CLNK: variants seen among roughly 807,000 people sequenced by gnomAD.
CLNK encodes cytokine dependent hematopoietic cell linker, also known as cytokine-dependent hematopoietic cell linker.
CLNK carries 74 observed loss-of-function variants against 68.6 expected under a neutral mutation model. The observed-to-expected ratio is 1.08, with a 90% CI of 0.89 to 1.31. The LOEUF is 1.31. Among genes scored for constraint, CLNK ranks in the 50% most tolerant of loss-of-function variants. The pLI, the probability that CLNK is intolerant of heterozygous loss-of-function variation, is 0.00. For missense variants in CLNK, 553 were observed against 515.3 expected (o/e 1.07, Z -0.71); for synonymous variants, 198 against 172.2 (o/e 1.15, Z -1.17).
At chr4:10,552,909 T>C (rs1336575532) in intron 8 of CLNK, among the ~76,000 whole-genome samples, 1 of 152,166 alleles carries the variant, frequency 6.6e-6, no homozygotes, top group East Asian at 1.9e-4. Context: ...AAGCAGCTTT[T>C]ACTATACCAA....
chr4:10,644,483 G>A (rs370363560), intron 2 of CLNK, among the ~76,000 whole-genome samples: 2 of 152,100 alleles, frequency 1.3e-5, no homozygotes, highest in East Asian at 1.9e-4. Context: ...AGGTTTGGTC[G>A]CATGTAAATT....
intron 10 of CLNK, among the ~76,000 whole-genome samples, chr4:10,540,856 AATG>A (rs1387696705): frequency 1.3e-5 from 2 of 152,118 alleles, no homozygotes; most frequent in African/African-American, 2.4e-5. Flanking sequence ...CTGTGGAGAA[AATG>A]ATAACAGCCT....
rs1460905601 is a variant in CLNK, at chr4:10,606,493, A to G, written c.12-8444T>C. Among the ~76,000 whole-genome samples the G allele has an allele frequency of 2.6e-5, 4 of 152,172 alleles. 1 individual carries two copies. Among genetic ancestry groups the G allele is most frequent in the Admixed American group, 1.3e-4 (2 of 15,280 alleles). ...AAAATAACAATAAAAAGTATAGTCT[A>G]GTAAATATATAAACCAGTAACATAG... is the stretch of plus-strand genomic sequence containing the variant. On this transcript the variant is annotated intron_variant, in intron 2 of 18. Transcript: ENST00000226951.
rs1716448605 is a variant in CLNK, at chr4:10,488,922, T to G, written c.*1545A>C. 1 of 152,250 alleles carries G rather than the reference T, an allele frequency of 6.6e-6. No homozygotes were observed. Among genetic ancestry groups the G allele is most frequent in the South Asian group, 2.1e-4 (1 of 4,832 alleles). The allele number at this position is 152,250 out of a possible 1,614,324, so 9.4% of individuals were successfully genotyped here. On this transcript the variant is annotated 3_prime_UTR_variant, in exon 19 of 19. Coordinates refer to ENST00000226951, the MANE Select transcript of CLNK (RefSeq NM_052964.4). Reference sequence around the variant, plus strand: ...ACTCTATGAATTTCCTTTGTAAGCTTTGGTAGCATTTGACATCATGATATA... The same window carrying G: ...ACTCTATGAATTTCCTTTGTAAGCTGTGGTAGCATTTGACATCATGATATA...
At chr4:10,619,940 TGTGTTAATCGCTGGTG>T (rs1159170240) in intron 2 of CLNK, among the ~76,000 whole-genome samples, 2 of 152,120 alleles carry the variant, frequency 1.3e-5, no homozygotes, top group African/African-American at 4.8e-5. Context: ...CATAATACTC[TGTGTTAATCGCTGGTG>T]GGTTTCAATG....
rs141039249 is a variant in CLNK, at chr4:10,529,378, G to T, written c.631-1284C>A. ...CCCAAAGGGTCATGCCATTCTCCTA[G>T]ATTCCTGCAGTCATCTGAAGGCTAA... On this transcript the variant is annotated intron_variant, in intron 12 of 18. Transcript: ENST00000226951. Among the ~76,000 whole-genome samples, 435 of 152,272 alleles carry T rather than the reference G, an allele frequency of 2.9e-3. 2 individuals carry two copies. Among genetic ancestry groups the T allele is most frequent in the African/African-American group, 0.01 (419 of 41,544 alleles).
chr4:10,706,044 T>C, the CLNK span, among the ~76,000 whole-genome samples: 1 of 152,224 alleles, frequency 6.6e-6, no homozygotes, highest in Non-Finnish European at 1.5e-5. Flanking sequence ...AGAACAAATG[T>C]GTGGAGAAGA....
the CLNK span, among the ~76,000 whole-genome samples, chr4:10,717,327 G>A: frequency 1.3e-5 from 2 of 152,230 alleles, no homozygotes; most frequent in Non-Finnish European, 2.9e-5. Context: ...CGGGTGTGGT[G>A]GCTCACGCCT....
the CLNK span, among the ~76,000 whole-genome samples, chr4:10,691,606 CA>C: frequency 1.0e-4 from 15 of 148,582 alleles, no homozygotes; most frequent in Admixed American, 1.3e-4. Flanking sequence ...TCCATAACAG[CA>C]AAAAAAAAAA....
intron 12 of CLNK, among the ~76,000 whole-genome samples, chr4:10,529,938 C>T (rs1280566871): frequency 6.6e-6 from 1 of 152,118 alleles, no homozygotes; most frequent in Non-Finnish European, 1.5e-5. Context: ...TAAACATAGT[C>T]AAGTTAAATA....
chr4:10,637,509 C>T (rs1577187867), intron 2 of CLNK, among the ~76,000 whole-genome samples: 1 of 127,258 alleles, frequency 7.9e-6, no homozygotes, highest in South Asian at 2.5e-4. Context: ...TGTTTTGGAG[C>T]AAAACATTAG....
chr4:10,655,525 A>G (rs980635331), intron 2 of CLNK, among the ~76,000 whole-genome samples: 2 of 152,104 alleles, frequency 1.3e-5, no homozygotes, highest in Admixed American at 6.6e-5. Context: ...ATGTGCATTG[A>G]CATGGGGCTG....
intron 12 of CLNK, among the ~76,000 whole-genome samples, chr4:10,529,397 A>G (rs1338718306): frequency 6.6e-6 from 1 of 152,206 alleles, no homozygotes; most frequent in East Asian, 1.9e-4. Flanking sequence ...AGTCATCTGA[A>G]GGCTAAACTA....
intron 18 of CLNK, among the ~76,000 whole-genome samples, chr4:10,491,917 T>C (rs1716591404): frequency 6.6e-6 from 1 of 152,190 alleles, no homozygotes; most frequent in Non-Finnish European, 1.5e-5. Context: ...TTTCATCCCT[T>C]AGCCCCCTTC....
chr4:10,706,150 G>T, the CLNK span, among the ~76,000 whole-genome samples: 3 of 152,340 alleles, frequency 2.0e-5, no homozygotes, highest in East Asian at 5.8e-4. Flanking sequence ...CTCTGACAGG[G>T]AATGTGGGAA....
chr4:10,614,318 G>A (rs1288047280), intron 2 of CLNK, among the ~76,000 whole-genome samples: 1 of 152,108 alleles, frequency 6.6e-6, no homozygotes, highest in East Asian at 1.9e-4. Context: ...CAGGTGACCT[G>A]GATATGTTAG....
At chr4:10,707,962 G>T in the CLNK span, among the ~76,000 whole-genome samples, 1 of 152,172 alleles carries the variant, frequency 6.6e-6, no homozygotes, top group Non-Finnish European at 1.5e-5. Flanking sequence ...GAGAGAGCTA[G>T]AAGTTTCCTA....
intron 2 of CLNK, among the ~76,000 whole-genome samples, chr4:10,643,386 C>A (rs540389960): frequency 1.3e-5 from 2 of 152,290 alleles, no homozygotes; most frequent in South Asian, 4.1e-4. Context: ...AAATAATGAC[C>A]AAGAGAGACA....
intron 12 of CLNK, among the ~76,000 whole-genome samples, chr4:10,530,538 T>A (rs1472119195): frequency 1.3e-5 from 2 of 152,214 alleles, no homozygotes. Flanking sequence ...GTTCTTTAGA[T>A]GATATCAACT....
Sources: allele counts gnomAD v4.1 joint callset (sites outside exome capture counted in the v4.1 genomes callset), GRCh38; gene constraint gnomAD v4.1.1; transcripts MANE v1.5; gene names NCBI Gene and HGNC (gene_info 2026-07-23, HGNC 2026-07-21).